The following DSTYK variants were observed in gnomAD, a reference collection of about 807,000 sequenced individuals.
DSTYK encodes the protein RIP-homologous kinase.
A neutral mutation model predicts 98.7 loss-of-function variants in DSTYK; 34 were observed. That is an observed-to-expected ratio of 0.34 (90% CI 0.26 to 0.46). The LOEUF (loss-of-function observed/expected upper bound fraction) is 0.46, where lower values mean the gene tolerates loss of function less well. Among genes scored for constraint, DSTYK ranks in the 20% least tolerant of loss-of-function variants. The probability of loss-of-function intolerance (pLI) is 1.00; values close to 1 mark genes in which losing one functional copy is unlikely to be tolerated. For synonymous variants in DSTYK, 462 were observed against 457.3 expected, an observed-to-expected ratio of 1.01 and a Z score of -0.13; for missense variants, 962 against 1,181.7, an observed-to-expected ratio of 0.81 and a Z score of 2.73.
intron 2 of DSTYK, among the ~76,000 whole-genome samples, chr1:205,180,380 C>T (rs3851290): frequency 0.49 from 74,868 of 151,750 alleles, 21,317 homozygotes; most frequent in Non-Finnish European, 0.63. Flanking sequence ...TTTCTGTTCC[C>T]GTGTTAGTTT....
intron 1 of DSTYK, chr1:205,202,128 G>GGGAAA (rs1177841422): frequency 1.6e-5 from 8 of 493,450 alleles, no homozygotes; most frequent in Middle Eastern, 6.9e-4. Context: ...GGGAAGGGAA[G>GGGAAA]GGAAGGGGAA....
At chr1:205,209,628 G>T (rs1446452825) in intron 1 of DSTYK, among the ~76,000 whole-genome samples, 13 of 65,432 alleles carry the variant, frequency 2.0e-4, no homozygotes, top group Middle Eastern at 0.011. Flanking sequence ...AAAGGAGGGG[G>T]ATGACTAGTT....
At chr1:205,192,786 C>G (rs1658749659) in intron 1 of DSTYK, among the ~76,000 whole-genome samples, 1 of 152,056 alleles carries the variant, frequency 6.6e-6, no homozygotes, top group Non-Finnish European at 1.5e-5. Context: ...TGCTTGAACC[C>G]GGGAGGCAGA....
At chr1:205,185,991 C>T (rs1321865283) in intron 2 of DSTYK, among the ~76,000 whole-genome samples, 1 of 151,970 alleles carries the variant, frequency 6.6e-6, no homozygotes, top group East Asian at 1.9e-4. Flanking sequence ...CCATTGCACT[C>T]CTGCCTGGGC....
intron 1 of DSTYK, among the ~76,000 whole-genome samples, chr1:205,193,344 G>A (rs545970419): frequency 1.6e-4 from 24 of 152,104 alleles, no homozygotes; most frequent in Non-Finnish European, 3.2e-4. Context: ...AATGTCAATC[G>A]ATTTGTAGCA....
intron 2 of DSTYK, among the ~76,000 whole-genome samples, chr1:205,182,722 C>T (rs950273496): frequency 2.0e-5 from 3 of 151,800 alleles, no homozygotes; most frequent in African/African-American, 7.2e-5. Context: ...AGGAGAATCG[C>T]TTGAACCTGG....
intron 2 of DSTYK, among the ~76,000 whole-genome samples, chr1:205,186,108 G>A (rs527691055): frequency 2.0e-5 from 3 of 152,306 alleles, no homozygotes; most frequent in Non-Finnish European, 4.4e-5. Context: ...ACTAGACCAA[G>A]ACTGTATACT....
chr1:205,211,098 C>T (rs1659358683), intron 1 of DSTYK, among the ~76,000 whole-genome samples, 173 bp downstream of exon 1: 1 of 152,230 alleles, frequency 6.6e-6, no homozygotes, highest in Non-Finnish European at 1.5e-5. Flanking sequence ...AGAAGGATGC[C>T]CTCCCAAGGT....
chr1:205,173,528 T>C (rs1658133785), intron 2 of DSTYK: 1 of 152,130 alleles, frequency 6.6e-6, no homozygotes. Flanking sequence ...CCAATCAAAT[T>C]TATGAAAGGA....
intron 1 of DSTYK, among the ~76,000 whole-genome samples, chr1:205,201,164 C>A (rs1404019366): frequency 1.3e-5 from 2 of 152,024 alleles, no homozygotes; most frequent in Admixed American, 6.6e-5. Context: ...CTTGGCCTCC[C>A]AAAGTGCTGG....
Position 205,174,346 on chromosome 1 carries a change from C to G in DSTYK, c.655-4514G>C, listed in dbSNP as rs543483027. 1.7e-4 allele frequency among the ~76,000 whole-genome samples: 26 copies of G among 152,066 alleles called. 1 individual carries two copies. The highest frequency in any genetic ancestry group is 3.4e-3 in the Middle Eastern group (1 of 294). On this transcript the variant is annotated intron_variant, in intron 2 of 12. Coordinates refer to ENST00000367162, the MANE Select transcript of DSTYK (RefSeq NM_015375.3). ...TGGCCAATATGGTGAAACCCTGTCT[C>G]TACTAAAAATACAAAAATTAGCTGA...
chr1:205,176,496 A>G (rs3916719), intron 2 of DSTYK, among the ~76,000 whole-genome samples: 12 of 143,300 alleles, frequency 8.4e-5, no homozygotes, highest in East Asian at 8.2e-4. Flanking sequence ...AAAAAAAAAA[A>G]AAAAAAAAAA....
intron 2 of DSTYK, among the ~76,000 whole-genome samples, chr1:205,185,212 A>G (rs1024303397): frequency 8.5e-5 from 13 of 152,178 alleles, no homozygotes; most frequent in Admixed American, 5.9e-4. Context: ...AAAATAAAAA[A>G]TAATAATAGT....
intron 2 of DSTYK, among the ~76,000 whole-genome samples, chr1:205,175,102 CTT>C (rs1338416279): frequency 8.0e-6 from 1 of 125,630 alleles, no homozygotes. Context: ...AGAAGCTGCC[CTT>C]TTTTTTTTTT....
chr1:205,187,799 C>T lies in DSTYK; in HGVS notation c.273G>A (p.Leu91=), dbSNP rs1232894923. Reference sequence around the variant, plus strand: ...CCTTAGGTGGGAAGGAAATGCAGCTCAGTTGGCCTGGTTGGGGAAGGGGAG... The same window carrying T: ...CCTTAGGTGGGAAGGAAATGCAGCTTAGTTGGCCTGGTTGGGGAAGGGGAG... ...VAETGLQAGQ[L]SCISFPPKEE... The change falls in exon 2 of 13, where the codon CTG becomes CTA. Residue 91 remains leucine, a synonymous_variant. Transcript: ENST00000367162. The T allele has an allele frequency of 6.2e-7, 1 of 1,609,888 alleles. No individual in the cohort carries two copies.
At chr1:205,200,122 C>T (rs965724493) in intron 1 of DSTYK, among the ~76,000 whole-genome samples, 7 of 151,920 alleles carry the variant, frequency 4.6e-5, no homozygotes, top group South Asian at 2.1e-4. Context: ...TTGCAAACTT[C>T]GCCTCCTGGG....
intron 1 of DSTYK, among the ~76,000 whole-genome samples, chr1:205,207,373 C>G (rs2102487644): frequency 6.6e-6 from 1 of 151,962 alleles, no homozygotes; most frequent in African/African-American, 2.4e-5. Context: ...GCCGCCGCAC[C>G]CGGCCCACTC....
chr1:205,152,438 A>C (rs1161620002), intron 10 of DSTYK, among the ~76,000 whole-genome samples: 1 of 152,324 alleles, frequency 6.6e-6, no homozygotes, highest in Admixed American at 6.5e-5. Context: ...CGGCCTCCCA[A>C]AGTGCTGGGA....
chr1:205,187,645 C>T lies in DSTYK; in HGVS notation c.427G>A (p.Gly143Ser). The T allele has an allele frequency of 6.2e-7, 1 of 1,614,212 alleles. No individual in the cohort carries two copies. Residue 143 changes from glycine to serine, a missense_variant, in exon 2 of 13, where the codon GGC becomes AGC. Around this residue, in one of 4 missense-constraint regions of DSTYK, gnomAD observed 660 missense variants for 855.0 expected, o/e 0.77. Coordinates refer to ENST00000367162, the MANE Select transcript of DSTYK (RefSeq NM_015375.3). ...GVQVLPTTKL[G>S]SEESCKLRRL... ...CGAAGCTTACAGCTCTCCTCACTGC[C>T]CAGCTTGGTGGTGGGAAGCACCTGC...
Sources: allele counts gnomAD v4.1 joint callset (sites outside exome capture counted in the v4.1 genomes callset), GRCh38; gene constraint gnomAD v4.1.1; regional missense constraint gnomAD v4.1.1; transcripts MANE v1.5; gene names NCBI Gene and HGNC (gene_info 2026-07-23, HGNC 2026-07-21).